SLC35A5: variants seen among roughly 807,000 people sequenced by gnomAD.
SLC35A5 encodes UDP-sugar transporter protein SLC35A5.
A neutral mutation model predicts 36.3 loss-of-function variants in SLC35A5; 28 were observed. The observed-to-expected ratio is 0.77, with a 90% CI of 0.57 to 1.06. The LOEUF is 1.06. Ranked by LOEUF, SLC35A5 falls within the 50% of genes least tolerant of loss-of-function variation. The probability of loss-of-function intolerance (pLI) is 0.00; values close to 1 mark genes in which losing one functional copy is unlikely to be tolerated. For synonymous variants in SLC35A5, 180 were observed against 173.7 expected, an observed-to-expected ratio of 1.04 and a Z score of -0.29; for missense variants, 521 against 499.3, an observed-to-expected ratio of 1.04 and a Z score of -0.41.
intron 2 of SLC35A5, among the ~76,000 whole-genome samples, chr3:112,566,160 A>G (rs750857132): frequency 6.6e-6 from 1 of 152,222 alleles, no homozygotes; most frequent in Non-Finnish European, 1.5e-5. Flanking sequence ...AAGATAACAT[A>G]TAGCTCCAAG....
chr3:112,566,420 A>G (rs900917079), intron 2 of SLC35A5, among the ~76,000 whole-genome samples: 2 of 152,216 alleles, frequency 1.3e-5, no homozygotes, highest in Non-Finnish European at 2.9e-5. Context: ...GTTCTAGAAT[A>G]TAGATTTGGG....
At chr3:112,566,307 C>T (rs577336611) in intron 2 of SLC35A5, among the ~76,000 whole-genome samples, 5 of 152,258 alleles carry the variant, frequency 3.3e-5, no homozygotes, top group African/African-American at 9.6e-5. Context: ...CTGCAGTTTT[C>T]TGCAGTATCT....
rs760413852 is a variant in SLC35A5, at chr3:112,569,177, A to G, written c.137A>G (p.Lys46Arg). Reference protein sequence around the residue: ...LVKYSANEENKYDYLPTTVNV... With the variant: ...LVKYSANEENRYDYLPTTVNV... Reference sequence around the variant, plus strand: ...CATTTCTGTTACATTTCAGAAAACAAGTATGATTATCTTCCAACTACTGTG... The same window carrying G: ...CATTTCTGTTACATTTCAGAAAACAGGTATGATTATCTTCCAACTACTGTG... The change falls in exon 3 of 7, where the codon AAG (lysine) becomes AGG (arginine). Residue 46 changes from lysine (K) to arginine (R), a missense_variant. By Grantham distance (26) the Lys-to-Arg change is conservative. Transcript: ENST00000492406. 1 of 1,612,436 alleles carries G rather than the reference A, an allele frequency of 6.2e-7. No homozygotes were observed. Among genetic ancestry groups the G allele is most frequent in the Admixed American group, 1.7e-5 (1 of 59,918 alleles).
chr3:112,577,095 A>G (rs957611142), intron 5 of SLC35A5, among the ~76,000 whole-genome samples: 29 of 149,998 alleles, frequency 1.9e-4, no homozygotes, highest in African/African-American at 6.9e-4. Context: ...TTTTTAAGAA[A>G]AAAAAAAATA....
In SLC35A5 at chr3:112,585,566, G is replaced by GT. The variant is rs5851845; in HGVS notation, c.*2841dup. On this transcript the variant is annotated 3_prime_UTR_variant, in exon 7 of 7. Coordinates refer to ENST00000492406, the MANE Select transcript of SLC35A5 (RefSeq NM_017945.5). ...ACCCCTTCAATCTGAAATAAAAGTT[G>GT]TTTTTTTTTTTAAGATGCGAAGTTC... 0.97 allele frequency: 145,119 copies of GT among 149,134 alleles called. 70,626 individuals carry two copies. The highest frequency in any genetic ancestry group is 0.99 in the Admixed American group (14,751 of 14,936). 9.2% of individuals were successfully genotyped at this position (149,134 alleles called of 1,614,324 possible).
chr3:112,566,413 C>G (rs765903642), intron 2 of SLC35A5, among the ~76,000 whole-genome samples: 1 of 152,060 alleles, frequency 6.6e-6, no homozygotes, highest in African/African-American at 2.4e-5. Context: ...GTTAAATGTT[C>G]TAGAATATAG....
Position 112,580,567 on chromosome 3 carries a change from G to C in SLC35A5, c.450G>C (p.Gln150His). 6.2e-7 allele frequency: 1 copy of C among 1,613,130 alleles called. No individual in the cohort carries two copies. Among genetic ancestry groups the C allele is most frequent in the African/African-American group, 1.3e-5 (1 of 74,954 alleles). ...IVLKRRLNWIQWASLLTLFLS... is the reference protein window; with the variant it reads ...IVLKRRLNWIHWASLLTLFLS... ...ACAGGAGGCGTCTAAACTGGATCCA[G>C]TGGGCTTCCCTCCTGACTTTATTTT... is the stretch of plus-strand genomic sequence containing the variant. Residue 150 changes from glutamine to histidine, a missense_variant, in exon 6 of 7, where the codon CAG becomes CAC. Physicochemically the swap from Gln to His is conservative, Grantham distance 24. Coordinates refer to ENST00000492406, the MANE Select transcript of SLC35A5 (RefSeq NM_017945.5).
At position 112,563,526 on chromosome 3, in the gene SLC35A5, C is replaced by G; in HGVS notation, c.123C>G (p.Ala41=). Residue 41 remains alanine (A), a synonymous_variant, in exon 2 of 7, where the codon GCC becomes GCG. Coordinates refer to ENST00000492406, the MANE Select transcript of SLC35A5 (RefSeq NM_017945.5). The part of the protein sequence containing the change: ...SSRILLVKYS[A]NEENKYDYLP... ...GCATCTTACTAGTGAAGTATTCTGCCAATGAAGGTAAGTTAAGACTTGGTA... is the reference window on the plus strand; with the variant it reads ...GCATCTTACTAGTGAAGTATTCTGCGAATGAAGGTAAGTTAAGACTTGGTA... 1 of 1,598,834 alleles carries G rather than the reference C, an allele frequency of 6.3e-7. No homozygotes were observed. Among genetic ancestry groups the G allele is most frequent in the Non-Finnish European group, 8.6e-7 (1 of 1,168,644 alleles).
At chr3:112,570,896 G>T (rs1314009603) in intron 4 of SLC35A5, among the ~76,000 whole-genome samples, 4 of 152,070 alleles carry the variant, frequency 2.6e-5, no homozygotes, top group African/African-American at 9.7e-5. Flanking sequence ...TACCATGGGG[G>T]AGTTGCTCCC....
At chr3:112,563,755 C>T (rs1934061260) in intron 2 of SLC35A5, among the ~76,000 whole-genome samples, 1 of 152,168 alleles carries the variant, frequency 6.6e-6, no homozygotes, top group Non-Finnish European at 1.5e-5. Context: ...AAATCAAACC[C>T]TTTGGTGAAG....
chr3:112,561,812 GGAGAC>G (rs1202316985), upstream of SLC35A5: 3 of 434,648 alleles, frequency 6.9e-6, no homozygotes, highest in African/African-American at 6.4e-5. Context: ...GGGGCCGAAG[GGAGAC>G]CTGAGGTGAG....
intron 5 of SLC35A5, among the ~76,000 whole-genome samples, chr3:112,575,966 G>T (rs1265937421): frequency 6.6e-6 from 1 of 151,618 alleles, no homozygotes; most frequent in African/African-American, 2.4e-5. Context: ...CACCATTTTG[G>T]CCAGGCTGGC....
In SLC35A5 at chr3:112,584,855, C is replaced by T. The variant is rs559940514; in HGVS notation, c.*2119C>T. The T allele has an allele frequency of 5.9e-5, 9 of 152,166 alleles. No homozygotes were observed. The highest frequency in any genetic ancestry group is 1.9e-4 in the African/African-American group (8 of 41,530). 9.4% of individuals were successfully genotyped at this position (152,166 alleles called of 1,614,324 possible). The stretch of plus-strand genomic sequence containing the variant: ...ATATACACCATGGAATACTTTGCAG[C>T]CATAAAAAATAATGAAACCATGTGC... On this transcript the variant is annotated 3_prime_UTR_variant, in exon 7 of 7. Coordinates refer to ENST00000492406, the MANE Select transcript of SLC35A5 (RefSeq NM_017945.5).
At chr3:112,561,338 GAGCCCTACTGC>G, upstream of SLC35A5, 1 of 1,020,896 alleles carries the variant, frequency 9.8e-7, no homozygotes. Flanking sequence ...CCTGTGTCTC[GAGCCCTACTGC>G]CTTCCTACAC....
chr3:112,566,583 T>C (rs970708898), intron 2 of SLC35A5, among the ~76,000 whole-genome samples: 34 of 152,186 alleles, frequency 2.2e-4, no homozygotes, highest in African/African-American at 7.7e-4. Context: ...ATTAGCGAGA[T>C]GGGATAACTA....
At position 112,583,883 on chromosome 3, in the gene SLC35A5, A is replaced by G. The variant is rs568373334; in HGVS notation, c.*1147A>G. 4 of 152,236 alleles carry G rather than the reference A, an allele frequency of 2.6e-5. No homozygotes were observed. The South Asian group carries it at 6.2e-4, about 24-fold the overall frequency. 9.4% of individuals were successfully genotyped at this position (152,236 alleles called of 1,614,324 possible). ...TGATAGATGATATTAAAAATTAGCA[A>G]ACAAAAGTGACTTGCTCAGGGTCAT... On this transcript the variant is annotated 3_prime_UTR_variant, in exon 7 of 7. Coordinates refer to ENST00000492406, the MANE Select transcript of SLC35A5 (RefSeq NM_017945.5).
Position 112,581,114 on chromosome 3 carries a change from G to T in SLC35A5, c.997G>T (p.Val333Phe). 1 of 1,613,984 alleles carries T rather than the reference G, an allele frequency of 6.2e-7. No homozygotes were observed. Among genetic ancestry groups the T allele is most frequent in the Non-Finnish European group, 8.5e-7 (1 of 1,179,942 alleles). ...GAAGTTCCTGGATAACATGTTCCAT[G>T]TCTTGATGGCCCAGGTTACCACTGT... ...ILKFLDNMFH[V>F]LMAQVTTVII... The change falls in exon 6 of 7, where the codon GTC becomes TTC. Residue 333 changes from valine (V) to phenylalanine (F), a missense_variant. By Grantham distance (50) the Val-to-Phe change is conservative. Transcript: ENST00000492406.
chr3:112,562,478 C>G (rs1013816462), intron 1 of SLC35A5, among the ~76,000 whole-genome samples: 1 of 152,170 alleles, frequency 6.6e-6, no homozygotes, highest in African/African-American at 2.4e-5. Flanking sequence ...CCCGCAGGCT[C>G]TATGCGCTAT....
rs776869836 is a variant in SLC35A5 at position 112,563,421 on chromosome 3, T to TAGTC, written c.20_23dup (p.His8GlnfsTer37). On this transcript the variant is annotated frameshift_variant, in exon 2 of 7. Transcript: ENST00000492406. LOFTEE classifies it high-confidence loss of function. ...ACAGTGGAATGGAAAAACAGTGCTGTAGTCATCCTGTAATATGCTCCTTGT... is the reference window on the plus strand; with the variant it reads ...ACAGTGGAATGGAAAAACAGTGCTGTAGTCAGTCATCCTGTAATATGCTCCTTGT... The TAGTC allele has an allele frequency of 6.4e-7, 1 of 1,574,580 alleles. No homozygotes were observed. Among genetic ancestry groups the TAGTC allele is most frequent in the South Asian group, 1.1e-5 (1 of 87,648 alleles).
Sources: allele counts gnomAD v4.1 joint callset (sites outside exome capture counted in the v4.1 genomes callset), GRCh38; gene constraint gnomAD v4.1.1; transcripts MANE v1.5; gene names NCBI Gene and HGNC (gene_info 2026-07-23, HGNC 2026-07-21).